Variants in MTRF1 observed in about 807,000 individuals in gnomAD.
MTRF1 encodes the protein mitochondrial translation release factor 1, also known as peptide chain release factor 1, mitochondrial.
Under a neutral mutation model 62.9 loss-of-function variants are expected in MTRF1, and 51 were observed. The observed-to-expected ratio is 0.81, with a 90% CI of 0.65 to 1.02. MTRF1 has a LOEUF of 1.02. MTRF1 is among the 50% of genes least tolerant of loss of function. The pLI, the probability that MTRF1 is intolerant of heterozygous loss-of-function variation, is 0.00. For missense variants in MTRF1, 446 were observed against 530.0 expected (o/e 0.84, Z 1.56); for synonymous variants, 158 against 181.9 (o/e 0.87, Z 1.06).
At chr13:41,225,209 C>CAA (rs11461910) in intron 8 of MTRF1, among the ~76,000 whole-genome samples, 12,260 of 115,572 alleles carry the variant, frequency 0.11, 1,012 homozygotes, top group African/African-American at 0.23. Flanking sequence ...GAATCTGTCT[C>CAA]AAAAAAAAAA....
the MTRF1 span, among the ~76,000 whole-genome samples, chr13:41,290,260 G>T: frequency 6.6e-6 from 1 of 150,806 alleles, no homozygotes; most frequent in Non-Finnish European, 1.5e-5. Context: ...ACCTACGTCC[G>T]GCTAATTTTT....
chr13:41,290,238 C>A, the MTRF1 span, among the ~76,000 whole-genome samples: 2 of 150,772 alleles, frequency 1.3e-5, no homozygotes, highest in Non-Finnish European at 3.0e-5. Context: ...GGTGGGACTA[C>A]AGGCGTGCAC....
chr13:41,310,889 C>A, the MTRF1 span, among the ~76,000 whole-genome samples: 2 of 152,150 alleles, frequency 1.3e-5, no homozygotes, highest in African/African-American at 2.4e-5. Context: ...CATTATCTTG[C>A]GCCACAAGCT....
chr13:41,257,340 T>G (rs1482484227), intron 2 of MTRF1, among the ~76,000 whole-genome samples: 1 of 152,180 alleles, frequency 6.6e-6, no homozygotes, highest in African/African-American at 2.4e-5. Context: ...AAGTTAGGAA[T>G]TGATTGCAAT....
the MTRF1 span, among the ~76,000 whole-genome samples, chr13:41,276,177 C>CT: frequency 3.1e-3 from 447 of 146,426 alleles, no homozygotes; most frequent in African/African-American, 9.1e-3. Flanking sequence ...TAATCAGTTC[C>CT]TTTTTTTTTT....
At chr13:41,253,502 T>C (rs2139112573) in intron 3 of MTRF1, among the ~76,000 whole-genome samples, 1 of 152,322 alleles carries the variant, frequency 6.6e-6, no homozygotes, top group Non-Finnish European at 1.5e-5. Context: ...AATTAAAGAC[T>C]ATGTTGAGGG....
chr13:41,274,814 T>G, the MTRF1 span, among the ~76,000 whole-genome samples: 1 of 152,048 alleles, frequency 6.6e-6, no homozygotes, highest in Non-Finnish European at 1.5e-5. Flanking sequence ...TTTTGTATTA[T>G]TAGTAGAGAC....
At chr13:41,249,146 T>G (rs2038686728) in intron 5 of MTRF1, among the ~76,000 whole-genome samples, 1 of 152,222 alleles carries the variant, frequency 6.6e-6, no homozygotes, top group African/African-American at 2.4e-5. Context: ...AAAATTTGTG[T>G]GCACATATAT....
chr13:41,278,469 G>C, the MTRF1 span, among the ~76,000 whole-genome samples: 1 of 152,200 alleles, frequency 6.6e-6, no homozygotes, highest in African/African-American at 2.4e-5. Flanking sequence ...AAACGGAGAG[G>C]ATGAAGTAAA....
chr13:41,262,534 T>C (rs1048766788), intron 1 of MTRF1: 2 of 152,214 alleles, frequency 1.3e-5, no homozygotes, highest in East Asian at 3.8e-4. Flanking sequence ...TGAAATTGGC[T>C]GTGTACAATA....
the MTRF1 span, among the ~76,000 whole-genome samples, chr13:41,305,363 G>T: frequency 6.6e-6 from 1 of 152,096 alleles, no homozygotes; most frequent in Non-Finnish European, 1.5e-5. Context: ...TGGCCAGAAT[G>T]ACTTTTAAAA....
chr13:41,269,198 G>GTT, the MTRF1 span, among the ~76,000 whole-genome samples: 13 of 50,568 alleles, frequency 2.6e-4, no homozygotes, highest in Non-Finnish European at 5.0e-4. Flanking sequence ...TTTTTTTTTT[G>GTT]GTTTTTTTTT....
At chr13:41,308,523 G>A in the MTRF1 span, among the ~76,000 whole-genome samples, 1 of 152,168 alleles carries the variant, frequency 6.6e-6, no homozygotes, top group African/African-American at 2.4e-5. Flanking sequence ...AATTATGGCA[G>A]TGGTTGAGTA....
Position 41,263,536 on chromosome 13 carries a change from C to G in MTRF1, c.-60G>C. The stretch of plus-strand genomic sequence containing the variant: ...CTCTCTTTACTGAGGTCGGAACCTT[C>G]CGAGACCCGCCACATTTCAGCCCGA... On this transcript the variant is annotated 5_prime_UTR_variant, in exon 1 of 10. Coordinates refer to ENST00000379480, the MANE Select transcript of MTRF1 (RefSeq NM_004294.4). The G allele has an allele frequency of 4.6e-6, 1 of 218,366 alleles. No individual in the cohort carries two copies. The highest frequency in any genetic ancestry group is 9.5e-6 in the Non-Finnish European group (1 of 104,780). The allele number at this position is 218,366 out of a possible 1,614,324, so 13.5% of individuals were successfully genotyped here. A position where few individuals can be genotyped will look rare whatever the true frequency, so the allele number is the denominator to read the frequency against.
the MTRF1 span, among the ~76,000 whole-genome samples, chr13:41,308,901 G>A: frequency 2.0e-5 from 3 of 152,156 alleles, no homozygotes; most frequent in African/African-American, 7.2e-5. Context: ...GTAGGCCTCA[G>A]TGTCTACTGT....
chr13:41,223,060 T>C (rs1322335055), intron 9 of MTRF1, among the ~76,000 whole-genome samples, 196 bp downstream of exon 9: 1 of 152,230 alleles, frequency 6.6e-6, no homozygotes, highest in Non-Finnish European at 1.5e-5. Flanking sequence ...GACCATTGTT[T>C]CAAAATGGCA....
chr13:41,262,750 A>C (rs1045693740), intron 1 of MTRF1, among the ~76,000 whole-genome samples: 2 of 152,196 alleles, frequency 1.3e-5, no homozygotes, highest in African/African-American at 4.8e-5. Context: ...CACTTGAGCC[A>C]AGGAGTTCAA....
At chr13:41,291,212 C>G in the MTRF1 span, among the ~76,000 whole-genome samples, 1 of 152,008 alleles carries the variant, frequency 6.6e-6, no homozygotes, top group Non-Finnish European at 1.5e-5. Context: ...GGGTCTTGCT[C>G]TGTTGTCCAG....
the MTRF1 span, chr13:41,311,719 CG>C: frequency 1.3e-6 from 1 of 768,296 alleles, no homozygotes; most frequent in Admixed American, 2.9e-5. Context: ...TCGGAGGTCG[CG>C]GGACCCCACT....
Sources: allele counts gnomAD v4.1 joint callset (sites outside exome capture counted in the v4.1 genomes callset), GRCh38; gene constraint gnomAD v4.1.1; transcripts MANE v1.5; gene names NCBI Gene and HGNC (gene_info 2026-07-23, HGNC 2026-07-21).